Variants in PEX5L observed in about 807,000 individuals in gnomAD.
PEX5L encodes peroxisomal biogenesis factor 5 like, also known as PEX5-related protein.
In PEX5L, 30 loss-of-function variants were observed where a neutral mutation model predicts 84.0. The ratio of observed to expected loss-of-function variants is 0.36; its 90% CI spans 0.27 to 0.48. The LOEUF is 0.48. Ranked by LOEUF, PEX5L falls within the 20% of genes least tolerant of loss-of-function variation. The pLI is 0.99. For synonymous variants in PEX5L, 270 were observed against 283.1 expected, an observed-to-expected ratio of 0.95 and a Z score of 0.46; for missense variants, 533 against 754.6, an observed-to-expected ratio of 0.71 and a Z score of 3.44.
chr3:179,908,017 A>T (rs1335200732), intron 2 of PEX5L, among the ~76,000 whole-genome samples: 1 of 152,220 alleles, frequency 6.6e-6, no homozygotes, highest in Non-Finnish European at 1.5e-5. Flanking sequence ...TCTGCAGCTA[A>T]GGTACTCCAT....
At chr3:179,879,431 G>A (rs1407108865) in intron 5 of PEX5L, among the ~76,000 whole-genome samples, 1 of 152,174 alleles carries the variant, frequency 6.6e-6, no homozygotes, top group East Asian at 1.9e-4. Flanking sequence ...ATAATTTAAT[G>A]AGATAATATA....
chr3:179,924,801 T>C (rs1770927444), intron 2 of PEX5L, among the ~76,000 whole-genome samples: 1 of 152,236 alleles, frequency 6.6e-6, no homozygotes, highest in African/African-American at 2.4e-5. Flanking sequence ...AGAAATTACA[T>C]TAATTTTTAT....
chr3:179,926,299 A>T (rs979126922), intron 2 of PEX5L, among the ~76,000 whole-genome samples: 1 of 152,084 alleles, frequency 6.6e-6, no homozygotes, highest in Non-Finnish European at 1.5e-5. Flanking sequence ...ATCCGATTAC[A>T]TCAGTGCCCT....
chr3:179,907,689 T>A, intron 2 of PEX5L, among the ~76,000 whole-genome samples: 1 of 152,200 alleles, frequency 6.6e-6, no homozygotes, highest in East Asian at 1.9e-4. Context: ...AAGAGCAAAC[T>A]TATCCAGATG....
At position 179,800,322 on chromosome 3, in the gene PEX5L, T is replaced by G. The variant is rs1718491010; in HGVS notation, c.*1506A>C. The G allele has an allele frequency of 6.6e-6, 1 of 152,146 alleles. No homozygotes were observed. The highest frequency in any genetic ancestry group is 1.5e-5 in the Non-Finnish European group (1 of 68,014). 9.4% of individuals were successfully genotyped at this position (152,146 alleles called of 1,614,324 possible). ...TCATGAGCGGGATGAGCTATTATTATCAAAGAACATAAATAAAAAGTTGTT... is the reference window on the plus strand; with the variant it reads ...TCATGAGCGGGATGAGCTATTATTAGCAAAGAACATAAATAAAAAGTTGTT... On this transcript the variant is annotated 3_prime_UTR_variant, in exon 15 of 15. Coordinates refer to ENST00000467460, the MANE Select transcript of PEX5L (RefSeq NM_016559.3).
At chr3:180,031,298 A>G (rs1022952556) in intron 1 of PEX5L, among the ~76,000 whole-genome samples, 7 of 152,180 alleles carry the variant, frequency 4.6e-5, no homozygotes, top group Non-Finnish European at 1.0e-4. Context: ...AGACTGGGAA[A>G]GAAAGTCTCA....
chr3:179,930,048 A>G (rs914330634), intron 2 of PEX5L, among the ~76,000 whole-genome samples: 16 of 152,176 alleles, frequency 1.1e-4, no homozygotes, highest in African/African-American at 3.4e-4. Context: ...CCTGGACCAG[A>G]AGCATCAATA....
At chr3:179,816,416 G>A (rs1178526143) in intron 9 of PEX5L, among the ~76,000 whole-genome samples, 1 of 152,180 alleles carries the variant, frequency 6.6e-6, no homozygotes, top group Non-Finnish European at 1.5e-5. Context: ...CCATAAAAAG[G>A]ATGAGTTCAT....
intron 7 of PEX5L, among the ~76,000 whole-genome samples, chr3:179,866,488 G>C (rs1474854541): frequency 6.6e-6 from 1 of 152,108 alleles, no homozygotes; most frequent in Non-Finnish European, 1.5e-5. Flanking sequence ...GTCCCTATAA[G>C]GACTGATGAT....
intron 7 of PEX5L, among the ~76,000 whole-genome samples, chr3:179,864,773 A>G (rs780846797): frequency 6.6e-6 from 1 of 152,190 alleles, no homozygotes; most frequent in African/African-American, 2.4e-5. Context: ...ATTTCAAAAC[A>G]TCATGTTTTA....
intron 2 of PEX5L, among the ~76,000 whole-genome samples, chr3:179,950,610 C>G (rs1315621226): frequency 6.6e-6 from 1 of 152,230 alleles, no homozygotes. Context: ...ATTGCATACA[C>G]TATCCCCAGC....
At chr3:179,830,505 G>A (rs11712739) in intron 8 of PEX5L, among the ~76,000 whole-genome samples, 238 of 152,276 alleles carry the variant, frequency 1.6e-3, no homozygotes, top group Non-Finnish European at 1.6e-3. Flanking sequence ...GTGGCATCAC[G>A]TGGGAAGGTG....
At chr3:179,852,250 C>T (rs1010521744) in intron 8 of PEX5L, among the ~76,000 whole-genome samples, 4 of 152,108 alleles carry the variant, frequency 2.6e-5, no homozygotes, top group Non-Finnish European at 5.9e-5. Flanking sequence ...AGATAGCTCC[C>T]TCATGTGGTG....
chr3:179,966,016 T>C (rs1191280130), intron 2 of PEX5L, among the ~76,000 whole-genome samples: 1 of 152,188 alleles, frequency 6.6e-6, no homozygotes, highest in Non-Finnish European at 1.5e-5. Context: ...TGAATCTTTG[T>C]TTACTCCAAT....
chr3:179,944,044 C>T (rs975153585), intron 2 of PEX5L, among the ~76,000 whole-genome samples: 1 of 150,446 alleles, frequency 6.6e-6, no homozygotes, highest in East Asian at 2.0e-4. Flanking sequence ...TTATATTCCA[C>T]TCAAATTACA....
intron 8 of PEX5L, among the ~76,000 whole-genome samples, chr3:179,827,568 T>C (rs1251208312): frequency 6.6e-6 from 1 of 152,208 alleles, no homozygotes; most frequent in East Asian, 1.9e-4. Context: ...AATATTGTTG[T>C]TTTAAGCCAC....
rs1031869420 is a variant in PEX5L, at chr3:179,830,261, C to T, written c.823-10285G>A. On this transcript the variant is annotated intron_variant, in intron 8 of 14. Transcript: ENST00000467460. The stretch of plus-strand genomic sequence containing the variant: ...ACTTATATTGTATTGATCATATTGC[C>T]CTGATATTCTGATTTCCTCCCCCGC... Among the ~76,000 whole-genome samples, 13 of 151,102 alleles carry T rather than the reference C, an allele frequency of 8.6e-5. No individual in the cohort carries two copies. In the South Asian group the frequency reaches 1.3e-3, roughly 15 times the overall value.
chr3:179,974,954 T>C (rs187754828), intron 1 of PEX5L, among the ~76,000 whole-genome samples: 29 of 152,276 alleles, frequency 1.9e-4, no homozygotes, highest in Non-Finnish European at 3.7e-4. Context: ...CCCAGCACTT[T>C]GGGAGGCCTA....
rs1197131778 is a variant in PEX5L, at chr3:179,795,171, G to A, written c.*6657C>T. 6.6e-6 allele frequency: 1 copy of A among 152,092 alleles called. No individual in the cohort carries two copies. Among genetic ancestry groups the A allele is most frequent in the African/African-American group, 2.4e-5 (1 of 41,408 alleles). The allele number at this position is 152,092 out of a possible 1,614,324, so 9.4% of individuals were successfully genotyped here. ...GACCTTTAGCCAGTAGTACAAATTG[G>A]ATTCCATTTGATCAGAAGGAGTTCT... On this transcript the variant is annotated 3_prime_UTR_variant, in exon 15 of 15. Transcript: ENST00000467460.
Sources: allele counts gnomAD v4.1 joint callset (sites outside exome capture counted in the v4.1 genomes callset), GRCh38; gene constraint gnomAD v4.1.1; transcripts MANE v1.5; gene names NCBI Gene and HGNC (gene_info 2026-07-23, HGNC 2026-07-21).